The following VAX1 variants were observed in gnomAD, a reference collection of about 807,000 sequenced individuals.
VAX1 encodes the protein ventral anterior homeobox 1.
A neutral mutation model predicts 17.6 loss-of-function variants in VAX1; 6 were observed. The observed-to-expected ratio is 0.34, with a 90% CI of 0.19 to 0.67. The LOEUF (loss-of-function observed/expected upper bound fraction) is 0.67, where lower values mean the gene tolerates loss of function less well. VAX1 is among the 30% of genes least tolerant of loss of function. The pLI, the probability that VAX1 is intolerant of heterozygous loss-of-function variation, is 0.69. For missense variants in VAX1, 408 were observed against 463.7 expected (o/e 0.88, Z 1.10); for synonymous variants, 256 against 227.4 (o/e 1.13, Z -1.13).
Position 117,137,745 on chromosome 10 carries a change from G to T in VAX1, c.241+71C>A. On this transcript the variant is annotated intron_variant, in intron 1 of 2. Transcript: ENST00000369206. This position sits in a 1 kb window ranked among gnomAD's most constrained non-coding sequence, Gnocchi z 7.4. ...GCACTCCTTCCCACCGGCCTGTGTC[G>T]GCGGCAGCGCGCAGCTCCGGCCCCG... The T allele has an allele frequency of 2.5e-6, 4 of 1,602,482 alleles. No homozygotes were observed. Among genetic ancestry groups the T allele is most frequent in the Non-Finnish European group, 3.4e-6 (4 of 1,179,286 alleles).
Position 117,136,484 on chromosome 10 carries a change from G to T in VAX1, c.417C>A (p.Leu139=). ...GGTCGCCGGGTACCTGGGTCTCGGAGAGGTTAAGCTGCCGGGCGAGCTCGG... is the reference window on the plus strand; with the variant it reads ...GGTCGCCGGGTACCTGGGTCTCGGATAGGTTAAGCTGCCGGGCGAGCTCGG... ...ERTELARQLN[L]SETQVKVWFQ... The change falls in exon 2 of 3, where the codon CTC becomes CTA. Residue 139 remains leucine (L), a synonymous_variant. Coordinates refer to ENST00000369206, the MANE Select transcript of VAX1 (RefSeq NM_001112704.2). The surrounding 1 kb of genome is among the most constrained non-coding windows in gnomAD (Gnocchi z 5.0). The T allele has an allele frequency of 6.2e-7, 1 of 1,613,526 alleles. No homozygotes were observed. The highest frequency in any genetic ancestry group is 8.5e-7 in the Non-Finnish European group (1 of 1,180,008).
At chr10:117,132,392 C>T (rs769444799), downstream of VAX1, 6 of 1,610,976 alleles carry the variant, frequency 3.7e-6, 1 homozygote, top group South Asian at 6.7e-5. The surrounding 1 kb of genome is among the most constrained non-coding windows in gnomAD (Gnocchi z 4.9). Flanking sequence ...ATCCAAATAT[C>T]CAAAACATTC....
downstream of VAX1, chr10:117,131,056 G>A (rs1854076785): frequency 2.6e-5 from 4 of 152,658 alleles, no homozygotes; most frequent in Admixed American, 2.6e-4. Flanking sequence ...TCTCACCCCT[G>A]GAGGGTCCCA....
downstream of VAX1, chr10:117,129,647 G>GGTGTGTGT (rs60617895): frequency 0.048 from 7,089 of 146,484 alleles, 332 homozygotes; most frequent in East Asian, 0.15. Context: ...TTCAAGAAGG[G>GGTGTGTGT]GTGTGTGTGT....
downstream of VAX1, chr10:117,132,159 C>T (rs1391611676): frequency 1.3e-6 from 2 of 1,558,192 alleles, no homozygotes; most frequent in African/African-American, 1.4e-5. The surrounding 1 kb of genome is among the most constrained non-coding windows in gnomAD (Gnocchi z 4.9). Context: ...ACCCGAAATC[C>T]GCCCAAACCT....
chr10:117,129,987 A>C (rs1854064668), downstream of VAX1: 1 of 152,058 alleles, frequency 6.6e-6, no homozygotes, highest in Admixed American at 6.6e-5. Context: ...TAAAGAATTC[A>C]GGTACCATGA....
chr10:117,134,227 G>A lies in VAX1; in HGVS notation c.786C>T (p.His262=). The A allele has an allele frequency of 6.9e-7, 1 of 1,444,358 alleles. No homozygotes were observed. Among genetic ancestry groups the A allele is most frequent in the Non-Finnish European group, 9.0e-7 (1 of 1,107,682 alleles). The allele number at this position is 1,444,358 out of a possible 1,614,324, so 89.5% of individuals were successfully genotyped here. A position where few individuals can be genotyped will look rare whatever the true frequency, so the allele number is the denominator to read the frequency against. Reference sequence around the variant, plus strand: ...TGTGGCCCGCGGCCGGGGCGCCTGCGTGCAATCCCCCCGGCCCGGCGGGCC... The same window carrying A: ...TGTGGCCCGCGGCCGGGGCGCCTGCATGCAATCCCCCCGGCCCGGCGGGCC... ...GPGPAGPGGL[H]AGAPAAGHSL... Residue 262 remains histidine (H), a synonymous_variant, in exon 3 of 3, where the codon CAC becomes CAT. Transcript: ENST00000369206. The surrounding 1 kb of genome is among the most constrained non-coding windows in gnomAD (Gnocchi z 6.2).
rs534098434 is a variant in VAX1, at chr10:117,135,310, T to C, written c.430-727A>G. On this transcript the variant is annotated intron_variant, in intron 2 of 2. Transcript: ENST00000369206. ...AGGGTCTGGTGATACTCTTAGTTTA[T>C]CTCTCCACTGGTCTGAGTCATGAAC... is the stretch of plus-strand genomic sequence containing the variant. Among the ~76,000 whole-genome samples the C allele has an allele frequency of 5.8e-4, 88 of 152,310 alleles. 4 individuals are homozygous for C. The South Asian group carries it at 0.018, about 31-fold the overall frequency.
Position 117,134,605 on chromosome 10 carries a change from G to A in VAX1, c.430-22C>T. The A allele has an allele frequency of 2.0e-6, 3 of 1,506,764 alleles. No homozygotes were observed. The highest frequency in any genetic ancestry group is 5.5e-5 in the East Asian group (2 of 36,362). The allele number at this position is 1,506,764 out of a possible 1,614,324, so 93.3% of individuals were successfully genotyped here. ...TCACCTGCGCGCCGGGGTGCGGGGAGAGTTGGAGAGAGGGGCAGGGAAGAC... is the reference window on the plus strand; with the variant it reads ...TCACCTGCGCGCCGGGGTGCGGGGAAAGTTGGAGAGAGGGGCAGGGAAGAC... On this transcript the variant is annotated intron_variant, in intron 2 of 2. Coordinates refer to ENST00000369206, the MANE Select transcript of VAX1 (RefSeq NM_001112704.2). The surrounding 1 kb of genome is among the most constrained non-coding windows in gnomAD (Gnocchi z 6.2).
In VAX1 at chr10:117,134,062, C is replaced by T. The variant is rs1019108871; in HGVS notation, c.951G>A (p.Glu317=). 24 of 1,535,344 alleles carry T rather than the reference C, an allele frequency of 1.6e-5. No individual in the cohort carries two copies. Among genetic ancestry groups the T allele is most frequent in the Non-Finnish European group, 2.0e-5 (23 of 1,140,182 alleles). The change falls in exon 3 of 3, where the codon GAG becomes GAA. Residue 317 remains glutamate (E), a synonymous_variant. Transcript: ENST00000369206. This position sits in a 1 kb window ranked among gnomAD's most constrained non-coding sequence, Gnocchi z 6.2. ...CTTTATTGTTGGTCCGGGAGTAAGG[C>T]TCGAAGGCCGAGGAGCTCAGATATC... The part of the protein sequence containing the change: ...SARYLSSSAF[E]PYSRTNNKEG...
chr10:117,137,414 C>G lies in VAX1; in HGVS notation c.241+402G>C, dbSNP rs1031792329. Among the ~76,000 whole-genome samples, 1 of 152,228 alleles carries G rather than the reference C, an allele frequency of 6.6e-6. No homozygotes were observed. Among genetic ancestry groups the G allele is most frequent in the Non-Finnish European group, 1.5e-5 (1 of 68,034 alleles). ...AGCTGTTCTCCGGGGCTCGCGTTCCCCCTTGGGTGCGCTCAGCCCTCCAGA... is the reference window on the plus strand; with the variant it reads ...AGCTGTTCTCCGGGGCTCGCGTTCCGCCTTGGGTGCGCTCAGCCCTCCAGA... On this transcript the variant is annotated intron_variant, in intron 1 of 2. Transcript: ENST00000369206. This position sits in a 1 kb window ranked among gnomAD's most constrained non-coding sequence, Gnocchi z 7.4.
chr10:117,134,937 AG>A lies in VAX1; in HGVS notation c.430-355del, dbSNP rs908972060. On this transcript the variant is annotated intron_variant, in intron 2 of 2. Transcript: ENST00000369206. The surrounding 1 kb of genome is among the most constrained non-coding windows in gnomAD (Gnocchi z 6.2). The stretch of plus-strand genomic sequence containing the variant: ...CCCCGCAGCGGTGTTTGGGGCTCAC[AG>A]ATGTGTGAATCAGTGCAGTCCCAAA... 7.9e-5 allele frequency among the ~76,000 whole-genome samples: 12 copies of A among 152,206 alleles called. No homozygotes were observed. The highest frequency in any genetic ancestry group is 1.8e-4 in the Non-Finnish European group (12 of 68,038).
rs1854118604 is a variant in VAX1, at chr10:117,133,550, G to C, written c.*458C>G. On this transcript the variant is annotated 3_prime_UTR_variant, in exon 3 of 3. Transcript: ENST00000369206. ...AGAGGAAGGAACGTCCTCCTTTTTT[G>C]GTCTAAAGAAACCTGGAAGCCCCTG... 1.0e-6 allele frequency: 1 copy of C among 985,658 alleles called. No individual in the cohort carries two copies. Among genetic ancestry groups the C allele is most frequent in the African/African-American group, 1.7e-5 (1 of 57,330 alleles). The allele number at this position is 985,658 out of a possible 1,614,324, so 61.1% of individuals were successfully genotyped here. A position where few individuals can be genotyped will look rare whatever the true frequency, so the allele number is the denominator to read the frequency against.
At position 117,136,809 on chromosome 10, in the gene VAX1, G is replaced by A. The variant is rs759859668; in HGVS notation, c.242-150C>T. The A allele has an allele frequency of 9.0e-4, 828 of 922,612 alleles. 9 individuals are homozygous for A. Among genetic ancestry groups the A allele is most frequent in the Non-Finnish European group, 1.6e-4 (99 of 624,132 alleles). 57.2% of individuals were successfully genotyped at this position (922,612 alleles called of 1,614,324 possible). A position where few individuals can be genotyped will look rare whatever the true frequency, so the allele number is the denominator to read the frequency against. ...AGCGCGACCACAACCAGGTAGCAAA[G>A]ACACTGTGTGGAGGGCAAGGGGCCT... On this transcript the variant is annotated intron_variant, in intron 1 of 2. Coordinates refer to ENST00000369206, the MANE Select transcript of VAX1 (RefSeq NM_001112704.2). This position sits in a 1 kb window ranked among gnomAD's most constrained non-coding sequence, Gnocchi z 5.0.
Position 117,133,985 on chromosome 10 carries a change from T to C in VAX1, c.*23A>G. On this transcript the variant is annotated 3_prime_UTR_variant, in exon 3 of 3. Coordinates refer to ENST00000369206, the MANE Select transcript of VAX1 (RefSeq NM_001112704.2). Reference sequence around the variant, plus strand: ...ATCACCACAATAGATACTATAAATATAAATACAGGGAAACACTTAAAATCA... The same window carrying C: ...ATCACCACAATAGATACTATAAATACAAATACAGGGAAACACTTAAAATCA... 1.3e-6 allele frequency: 2 copies of C among 1,498,084 alleles called. No individual in the cohort carries two copies. The highest frequency in any genetic ancestry group is 1.8e-6 in the Non-Finnish European group (2 of 1,126,748). The allele number at this position is 1,498,084 out of a possible 1,614,324, so 92.8% of individuals were successfully genotyped here.
At position 117,136,945 on chromosome 10, in the gene VAX1, C is replaced by T. The variant is rs962722655; in HGVS notation, c.242-286G>A. ...ATTCCACATAGGCGGACGTTTCTTC[C>T]GGCCTGGGGGGGCCTCGGCTGAGCC... is the stretch of plus-strand genomic sequence containing the variant. On this transcript the variant is annotated intron_variant, in intron 1 of 2. Transcript: ENST00000369206. This position sits in a 1 kb window ranked among gnomAD's most constrained non-coding sequence, Gnocchi z 5.0. Among the ~76,000 whole-genome samples the T allele has an allele frequency of 4.6e-5, 7 of 152,194 alleles. No individual in the cohort carries two copies. The highest frequency in any genetic ancestry group is 1.7e-4 in the African/African-American group (7 of 41,470).
Position 117,137,967 on chromosome 10 carries a change from C to T in VAX1, c.90G>A (p.Arg30=). The change falls in exon 1 of 3, where the codon CGG becomes CGA. Residue 30 remains arginine (R), a synonymous_variant. Transcript: ENST00000369206. This position sits in a 1 kb window ranked among gnomAD's most constrained non-coding sequence, Gnocchi z 7.4. ...RVSKNAHKES[R]ESKGAEGNLP... Reference sequence around the variant, plus strand: ...GGTTCCCCTCCGCGCCCTTGCTCTCCCGACTCTCCTTGTGCGCGTTCTTCG... The same window carrying T: ...GGTTCCCCTCCGCGCCCTTGCTCTCTCGACTCTCCTTGTGCGCGTTCTTCG... 1 of 1,613,828 alleles carries T rather than the reference C, an allele frequency of 6.2e-7. No individual in the cohort carries two copies. The highest frequency in any genetic ancestry group is 8.5e-7 in the Non-Finnish European group (1 of 1,179,976).
rs1459661621 is a variant in VAX1 at position 117,137,733 on chromosome 10, C to G, written c.241+83G>C. The G allele has an allele frequency of 6.3e-7, 1 of 1,599,958 alleles. No individual in the cohort carries two copies. Among genetic ancestry groups the G allele is most frequent in the Non-Finnish European group, 8.5e-7 (1 of 1,179,032 alleles). ...AAGTCCCAGCCGGCACTCCTTCCCA[C>G]CGGCCTGTGTCGGCGGCAGCGCGCA... is the stretch of plus-strand genomic sequence containing the variant. On this transcript the variant is annotated intron_variant, in intron 1 of 2. Coordinates refer to ENST00000369206, the MANE Select transcript of VAX1 (RefSeq NM_001112704.2). The surrounding 1 kb of genome is among the most constrained non-coding windows in gnomAD (Gnocchi z 7.4).
chr10:117,131,758 A>G (rs983703181), downstream of VAX1: 2 of 157,132 alleles, frequency 1.3e-5, no homozygotes, highest in African/African-American at 4.8e-5. Flanking sequence ...TCACCACCGC[A>G]TAAGCACCAG....
Sources: allele counts gnomAD v4.1 joint callset (sites outside exome capture counted in the v4.1 genomes callset), GRCh38; gene constraint gnomAD v4.1.1; non-coding constraint Gnocchi (gnomAD v3.1); transcripts MANE v1.5; gene names NCBI Gene and HGNC (gene_info 2026-07-23, HGNC 2026-07-21).